Variants in NOTCH2NLA observed in about 807,000 individuals in gnomAD.
NOTCH2NLA encodes the protein notch homolog 2 N-terminal-like protein A.
At chr1:146,171,417 C>T (rs868976851) in intron 2 of NOTCH2NLA, among the ~76,000 whole-genome samples, 90 of 139,810 alleles carry the variant, frequency 6.4e-4, no homozygotes, top group African/African-American at 2.2e-3. Context: ...GGCAACAGAG[C>T]GAGACTCCCT....
At chr1:146,180,503 C>A (rs1662495113) in intron 2 of NOTCH2NLA, among the ~76,000 whole-genome samples, 1 of 142,330 alleles carries the variant, frequency 7.0e-6, no homozygotes, top group Non-Finnish European at 1.6e-5. Context: ...ATTGGCAATA[C>A]ATTTTTGGAC....
intron 3 of NOTCH2NLA, among the ~76,000 whole-genome samples, chr1:146,157,771 C>T (rs1348199496): frequency 9.8e-5 from 9 of 91,582 alleles, no homozygotes; most frequent in African/African-American, 2.9e-4. Flanking sequence ...ACTTCTGTTT[C>T]CTCTAAATGT....
At chr1:146,228,763 C>G (rs781922715) in exon 1 of NOTCH2NLA, 10 of 1,572,778 alleles carry the variant, frequency 6.4e-6, no homozygotes, top group African/African-American at 4.1e-5. Flanking sequence ...CACAGCAGAG[C>G]GGGGCGCAGG....
chr1:146,159,740 C>A (rs6686638), intron 3 of NOTCH2NLA, among the ~76,000 whole-genome samples: 2,665 of 106,188 alleles, frequency 0.025, 1 homozygote, highest in African/African-American at 0.087. Context: ...GAGGCCGAGG[C>A]GGGTGGATCA....
chr1:146,174,400 CTTTTT>C (rs1209878010), intron 2 of NOTCH2NLA, among the ~76,000 whole-genome samples: 26,056 of 92,986 alleles, frequency 0.28, 1,327 homozygotes, highest in Middle Eastern at 0.37. Context: ...CTGTCTTTAG[CTTTTT>C]TTTTTTTTTT....
chr1:146,176,827 C>T (rs1553808250), intron 2 of NOTCH2NLA, among the ~76,000 whole-genome samples: 1 of 75,102 alleles, frequency 1.3e-5, no homozygotes, highest in Admixed American at 1.6e-4. Context: ...ACTCATTAGC[C>T]CTTATTATGA....
intron 2 of NOTCH2NLA, among the ~76,000 whole-genome samples, chr1:146,187,484 C>G (rs1553810494): frequency 7.4e-6 from 1 of 135,768 alleles, no homozygotes; most frequent in East Asian, 2.0e-4. Context: ...GAACCAGTGT[C>G]TTCTTATTTA....
intron 2 of NOTCH2NLA, among the ~76,000 whole-genome samples, chr1:146,172,508 C>G (rs1553807246): frequency 6.6e-6 from 1 of 151,800 alleles, no homozygotes; most frequent in African/African-American, 2.4e-5. Context: ...CATATTATTT[C>G]CACAATCTTG....
intron 2 of NOTCH2NLA, among the ~76,000 whole-genome samples, chr1:146,185,511 T>C (rs1363081583): frequency 1.5e-5 from 2 of 136,936 alleles, no homozygotes; most frequent in African/African-American, 4.9e-5. Context: ...ACTGATAGGG[T>C]ACTTAGGCTC....
At chr1:146,186,762 A>G (rs1662786458) in intron 2 of NOTCH2NLA, among the ~76,000 whole-genome samples, 1 of 131,550 alleles carries the variant, frequency 7.6e-6, no homozygotes, top group Non-Finnish European at 1.8e-5. Flanking sequence ...CATATTTGAA[A>G]TTCTCCATAT....
chr1:146,198,814 T>C (rs1178082047), intron 1 of NOTCH2NLA, among the ~76,000 whole-genome samples: 2 of 85,408 alleles, frequency 2.3e-5, no homozygotes, highest in East Asian at 2.2e-4. Flanking sequence ...TTTTTTGAGA[T>C]GGAGTCTCGC....
chr1:146,228,993 CGAAGTTTGGCT>C, exon 1 of NOTCH2NLA: 2 of 1,390,698 alleles, frequency 1.4e-6, no homozygotes, highest in Non-Finnish European at 9.3e-7. Flanking sequence ...AGCCGCCGCC[CGAAGTTTGGCT>C]GAAACTTTCT....
At chr1:146,228,885 T>G (rs1664365338) in exon 1 of NOTCH2NLA, 1 of 1,473,754 alleles carries the variant, frequency 6.8e-7, no homozygotes, top group African/African-American at 1.5e-5. Context: ...CCCCTCCTCC[T>G]GCTTCAAAGG....
rs797031121 is a variant in NOTCH2NLA, at chr1:146,195,052, C to G, written c.-44-5671G>C. ...TGGTCCTCACAGGGCCACCCCCCCC[C>G]ATCCTTGTAACACTCATGACTCTCA... is the stretch of plus-strand genomic sequence containing the variant. On this transcript the variant is annotated intron_variant, in intron 1 of 4. Transcript: ENST00000362074. Among the ~76,000 whole-genome samples the G allele has an allele frequency of 3.6e-5, 4 of 109,892 alleles. 1 individual carries two copies. Among genetic ancestry groups the G allele is most frequent in the African/African-American group, 1.2e-4 (3 of 24,504 alleles). 72.1% of individuals were successfully genotyped at this position (109,892 alleles called of 152,430 possible). A position where few individuals can be genotyped will look rare whatever the true frequency, so the allele number is the denominator to read the frequency against.
intron 2 of NOTCH2NLA, among the ~76,000 whole-genome samples, chr1:146,188,487 C>CTTTTTA (rs1662891928): frequency 4.0e-5 from 1 of 25,056 alleles, no homozygotes. Context: ...TATAATAATA[C>CTTTTTA]ACACCCAAAG....
intron 3 of NOTCH2NLA, among the ~76,000 whole-genome samples, chr1:146,159,114 T>TTGGGAGGCTGAGG (rs1661322346): frequency 6.6e-6 from 1 of 151,946 alleles, no homozygotes; most frequent in Admixed American, 6.6e-5. Context: ...TCCCAGCACT[T>TTGGGAGGCTGAGG]TGGGAGGCTG....
chr1:146,153,524 ATACTT>A (rs1661002375), downstream of NOTCH2NLA: 1 of 64,568 alleles, frequency 1.5e-5, no homozygotes. Flanking sequence ...AAGTTGCAGA[ATACTT>A]TAACAAGCTA....
chr1:146,186,968 G>A lies in NOTCH2NLA; in HGVS notation c.38+2332C>T, dbSNP rs1367899721. Among the ~76,000 whole-genome samples, 9 of 133,230 alleles carry A rather than the reference G, an allele frequency of 6.8e-5. 1 individual carries two copies. The allele number at this position is 133,230 out of a possible 152,430, so 87.4% of individuals were successfully genotyped here. Reference sequence around the variant, plus strand: ...GGTGGTTTGCTGCACCTATCAACCCGTCATCCAGGTTTTAAGCCCCACGTG... The same window carrying A: ...GGTGGTTTGCTGCACCTATCAACCCATCATCCAGGTTTTAAGCCCCACGTG... On this transcript the variant is annotated intron_variant, in intron 2 of 4. Coordinates refer to ENST00000362074, the Ensembl canonical transcript of NOTCH2NLA.
chr1:146,228,908 C>A, exon 1 of NOTCH2NLA: 2 of 1,469,064 alleles, frequency 1.4e-6, no homozygotes, highest in East Asian at 2.6e-5. Flanking sequence ...CAGGCCCTGG[C>A]GCTACGCTCC....
Sources: gnomAD v4.1 joint callset for allele counts (sites outside exome capture counted in the v4.1 genomes callset) on GRCh38, gnomAD v4.1.1 for gene constraint, MANE v1.5 for transcripts, NCBI Gene and HGNC (gene_info 2026-07-23, HGNC 2026-07-21) for gene names.